The following CDH4 variants were observed in gnomAD, a reference collection of about 807,000 sequenced individuals.
CDH4 encodes cadherin-4.
CDH4 carries 33 observed loss-of-function variants against 86.0 expected under a neutral mutation model. The ratio of observed to expected loss-of-function variants is 0.38; its 90% CI spans 0.29 to 0.51. The LOEUF (loss-of-function observed/expected upper bound fraction) is 0.51. Ranked by LOEUF, CDH4 falls within the 20% of genes least tolerant of loss-of-function variation. CDH4 has a pLI of 0.86. For synonymous variants in CDH4, 555 were observed against 549.4 expected (o/e 1.01, Z -0.14); for missense variants, 1,114 against 1,307.4 (o/e 0.85, Z 2.28).
chr20:61,331,907 G>C (rs1436632361), intron 2 of CDH4, among the ~76,000 whole-genome samples: 3 of 152,156 alleles, frequency 2.0e-5, no homozygotes, highest in Admixed American at 2.0e-4. Flanking sequence ...TGTAAAAAGC[G>C]TGTGTTGAGG....
At chr20:61,687,098 C>T (rs1385152129) in intron 2 of CDH4, among the ~76,000 whole-genome samples, 3 of 152,218 alleles carry the variant, frequency 2.0e-5, no homozygotes, top group Non-Finnish European at 4.4e-5. Flanking sequence ...GACCTCCCCG[C>T]ACGCCCTGGC....
At chr20:61,557,719 C>T (rs73134544) in intron 2 of CDH4, among the ~76,000 whole-genome samples, 4,680 of 152,248 alleles carry the variant, frequency 0.031, 146 homozygotes, top group African/African-American at 0.078. Context: ...GAGGGAACCA[C>T]GGAGCGCCTC....
intron 2 of CDH4, among the ~76,000 whole-genome samples, chr20:61,487,118 G>A (rs2085601108): frequency 6.6e-6 from 1 of 152,176 alleles, no homozygotes; most frequent in South Asian, 2.1e-4. Context: ...ATAATTTTTG[G>A]GAAGGGTGTA....
chr20:61,782,786 A>G (rs1168614167), intron 4 of CDH4, among the ~76,000 whole-genome samples: 1 of 152,212 alleles, frequency 6.6e-6, no homozygotes, highest in African/African-American at 2.4e-5. Flanking sequence ...AAGTTAATCA[A>G]AATGAATTTC....
chr20:61,355,542 A>G (rs568732352), intron 2 of CDH4, among the ~76,000 whole-genome samples: 2 of 152,386 alleles, frequency 1.3e-5, no homozygotes, highest in East Asian at 3.9e-4. Flanking sequence ...GCTCCCGCAC[A>G]GTCCTTGCCA....
rs1297433602 is a variant in CDH4 at position 61,495,307 on chromosome 20, G to A, written c.169+240370G>A. 3.9e-5 allele frequency among the ~76,000 whole-genome samples: 6 copies of A among 152,304 alleles called. No individual in the cohort carries two copies. In the South Asian group the frequency reaches 1.0e-3, roughly 26 times the overall value. On this transcript the variant is annotated intron_variant, in intron 2 of 15. Coordinates refer to ENST00000614565, the MANE Select transcript of CDH4 (RefSeq NM_001794.5). ...CACCTGAGGGGGAGCCGAACACGACGTTCCCCTCGTTAACTACAGCACAGC... is the reference window on the plus strand; with the variant it reads ...CACCTGAGGGGGAGCCGAACACGACATTCCCCTCGTTAACTACAGCACAGC...
intron 2 of CDH4, among the ~76,000 whole-genome samples, chr20:61,589,825 TAAAAA>T (rs372321209): frequency 7.5e-6 from 1 of 133,352 alleles, no homozygotes; most frequent in African/African-American, 2.7e-5. Flanking sequence ...TAATAATAAT[TAAAAA>T]AAAAAAAAAG....
chr20:61,527,259 T>TC (rs1425483154), intron 2 of CDH4, among the ~76,000 whole-genome samples: 2 of 152,086 alleles, frequency 1.3e-5, no homozygotes, highest in African/African-American at 4.8e-5. Flanking sequence ...TAAGAGCTTT[T>TC]TTTTTTTTTG....
In CDH4 at chr20:61,417,099, C is replaced by T. The variant is rs1443635411; in HGVS notation, c.169+162162C>T. On this transcript the variant is annotated intron_variant, in intron 2 of 15. Transcript: ENST00000614565. This position sits in a 1 kb window ranked among gnomAD's most constrained non-coding sequence, Gnocchi z 4.0. ...CTGCTCAATAGAATAATATGTGGCC[C>T]GCAGAGCTGACTGTGGGTGCTTGGG... is the stretch of plus-strand genomic sequence containing the variant. 5.3e-5 allele frequency among the ~76,000 whole-genome samples: 8 copies of T among 152,048 alleles called. No individual in the cohort carries two copies. The highest frequency in any genetic ancestry group is 4.6e-4 in the Admixed American group (7 of 15,272).
Position 61,910,520 on chromosome 20 carries a change from TTACCGCATCATCAGTGGGGA to T in CDH4, c.1289_1308del (p.Tyr430SerfsTer99), listed in dbSNP as rs1445399082. 1 of 1,613,824 alleles carries T rather than the reference TTACCGCATCATCAGTGGGGA, an allele frequency of 6.2e-7. No individual in the cohort carries two copies. The highest frequency in any genetic ancestry group is 8.5e-7 in the Non-Finnish European group (1 of 1,180,034). On this transcript the variant is annotated frameshift_variant, in exon 9 of 16. Coordinates refer to ENST00000614565, the MANE Select transcript of CDH4 (RefSeq NM_001794.5). LOFTEE classifies it high-confidence loss of function. The stretch of plus-strand genomic sequence containing the variant: ...CCCACTCTCCAAACTGGAATGCCGT[TTACCGCATCATCAGTGGGGA>T]TCCATCCGGGCACTTCAGCGTCCGC...
chr20:61,655,871 T>A (rs1361668173), intron 2 of CDH4, among the ~76,000 whole-genome samples: 1 of 152,146 alleles, frequency 6.6e-6, no homozygotes, highest in African/African-American at 2.4e-5. Context: ...AGGTGAAGTG[T>A]GTGGCTAATA....
At position 61,720,672 on chromosome 20, in the gene CDH4, C is replaced by G. The variant is rs568264919; in HGVS notation, c.170-22891C>G. Among the ~76,000 whole-genome samples, 80 of 151,860 alleles carry G rather than the reference C, an allele frequency of 5.3e-4. 3 individuals carry two copies. In the South Asian group the frequency reaches 0.016, roughly 30 times the overall value. ...CTTGTGTCTGTGTTCTGTGTATTTG[C>G]TTGCATGCTTTTCTCTCCAGCGTGA... On this transcript the variant is annotated intron_variant, in intron 2 of 15. Transcript: ENST00000614565.
chr20:61,892,804 T>C (rs6089291), intron 7 of CDH4, among the ~76,000 whole-genome samples: 21,736 of 152,106 alleles, frequency 0.14, 1,664 homozygotes, highest in South Asian at 0.24. Context: ...TTGGCTGGGC[T>C]CATTCATCCA....
intron 2 of CDH4, among the ~76,000 whole-genome samples, chr20:61,500,150 G>A (rs769954231): frequency 6.6e-6 from 1 of 152,218 alleles, no homozygotes; most frequent in Non-Finnish European, 1.5e-5. Flanking sequence ...CCCTGGCCTC[G>A]GGATGGTCCC....
At chr20:61,409,412 C>T (rs1282764367) in intron 2 of CDH4, among the ~76,000 whole-genome samples, 4 of 152,250 alleles carry the variant, frequency 2.6e-5, no homozygotes, top group Non-Finnish European at 5.9e-5. Flanking sequence ...CAGACCAACT[C>T]ATCTGGATCA....
chr20:61,916,092 C>T (rs748977337), intron 9 of CDH4, among the ~76,000 whole-genome samples: 11 of 151,986 alleles, frequency 7.2e-5, no homozygotes, highest in African/African-American at 1.5e-4. Context: ...GGGGATGCTT[C>T]GCCTTAGAAA....
At chr20:61,457,843 T>G (rs994808039) in intron 2 of CDH4, among the ~76,000 whole-genome samples, 1 of 150,050 alleles carries the variant, frequency 6.7e-6, no homozygotes, top group Admixed American at 6.6e-5. Flanking sequence ...GTGACAACAG[T>G]GTTGACACTG....
At chr20:61,658,411 C>T (rs2087215410) in intron 2 of CDH4, among the ~76,000 whole-genome samples, 1 of 152,190 alleles carries the variant, frequency 6.6e-6, no homozygotes, top group Non-Finnish European at 1.5e-5. Context: ...AGTCATTGTT[C>T]CCTCTGAGCT....
intron 8 of CDH4, among the ~76,000 whole-genome samples, chr20:61,908,113 C>T (rs2054810752): frequency 6.6e-6 from 1 of 152,150 alleles, no homozygotes; most frequent in African/African-American, 2.4e-5. Flanking sequence ...AGGACTTTCT[C>T]TGAGCTTTTG....
Sources: allele counts gnomAD v4.1 joint callset (sites outside exome capture counted in the v4.1 genomes callset), GRCh38; gene constraint gnomAD v4.1.1; non-coding constraint Gnocchi (gnomAD v3.1); transcripts MANE v1.5; gene names NCBI Gene and HGNC (gene_info 2026-07-23, HGNC 2026-07-21).